ADGRF5: variants seen among roughly 807,000 people sequenced by gnomAD.
The protein encoded by ADGRF5 is adhesion G protein-coupled receptor F5, also known as G-protein coupled receptor 116.
Under a neutral mutation model 132.3 loss-of-function variants are expected in ADGRF5, and 75 were observed. The ratio of observed to expected loss-of-function variants is 0.57; its 90% CI spans 0.47 to 0.69. The LOEUF (loss-of-function observed/expected upper bound fraction) is 0.69. Ranked by LOEUF, ADGRF5 falls within the 30% of genes least tolerant of loss-of-function variation. The probability of loss-of-function intolerance (pLI) is 0.00; values close to 1 mark genes in which losing one functional copy is unlikely to be tolerated. For missense variants in ADGRF5, 1,516 were observed against 1,630.6 expected (o/e 0.93, Z 1.21); for synonymous variants, 629 against 597.6 (o/e 1.05, Z -0.77).
intron 19 of ADGRF5, 40 bp downstream of exon 19, chr6:46,856,678 A>G: frequency 9.2e-7 from 1 of 1,082,184 alleles, no homozygotes; most frequent in South Asian, 1.3e-5. Context: ...GGAATACATG[A>G]TGTTATAAAA....
At chr6:46,917,599 TC>T (rs1776537483) in intron 1 of ADGRF5, among the ~76,000 whole-genome samples, 1 of 152,174 alleles carries the variant, frequency 6.6e-6, no homozygotes, top group Non-Finnish European at 1.5e-5. Flanking sequence ...CTGAGTATGG[TC>T]CCTGGCACAT....
chr6:46,900,063 T>G lies in ADGRF5; in HGVS notation c.123A>C (p.Pro41=). The G allele has an allele frequency of 1.2e-6, 2 of 1,612,912 alleles. No homozygotes were observed. The highest frequency in any genetic ancestry group is 1.7e-6 in the Non-Finnish European group (2 of 1,178,854). ...IHPLSLHEHE[P]AGEEALRQKR... is the part of the protein sequence containing the mutation. Reference sequence around the variant, plus strand: ...TTTGCCTCAGTGCCTCTTCACCAGCTGGTTCATGTTCATGAAGACTCTGAA... The same window carrying G: ...TTTGCCTCAGTGCCTCTTCACCAGCGGGTTCATGTTCATGAAGACTCTGAA... The change falls in exon 3 of 21, where the codon CCA becomes CCC. Residue 41 remains proline (P), a synonymous_variant. Transcript: ENST00000283296.
At chr6:46,905,443 C>A (rs1254109527) in intron 2 of ADGRF5, 1 of 151,744 alleles carries the variant, frequency 6.6e-6, no homozygotes, top group Non-Finnish European at 1.5e-5. Context: ...GAAACAAAAT[C>A]CTGAAGGTAA....
intron 4 of ADGRF5, among the ~76,000 whole-genome samples, chr6:46,885,628 C>T (rs1190953612): frequency 6.6e-6 from 1 of 152,162 alleles, no homozygotes; most frequent in Non-Finnish European, 1.5e-5. Flanking sequence ...AAAGAAGGGT[C>T]AACCTTGGCA....
At chr6:46,872,469 T>G (rs1771188229) in intron 10 of ADGRF5, among the ~76,000 whole-genome samples, 1 of 152,126 alleles carries the variant, frequency 6.6e-6, no homozygotes, top group Non-Finnish European at 1.5e-5. Context: ...GAAGAACAGA[T>G]GTCAGATTAT....
At chr6:46,920,225 A>G (rs974458525) in intron 1 of ADGRF5, among the ~76,000 whole-genome samples, 2 of 152,192 alleles carry the variant, frequency 1.3e-5, no homozygotes, top group African/African-American at 2.4e-5. Flanking sequence ...GCAAATCTAG[A>G]ATTTAATCCT....
intron 1 of ADGRF5, among the ~76,000 whole-genome samples, chr6:46,941,175 C>T (rs1474636952): frequency 1.3e-5 from 2 of 151,894 alleles, no homozygotes; most frequent in Admixed American, 6.6e-5. Context: ...TCTCTACAAA[C>T]AATAAAAAGC....
chr6:46,867,185 T>G (rs1770553006), intron 12 of ADGRF5, 48 bp from the exon 13 acceptor site: 1 of 1,083,336 alleles, frequency 9.2e-7, no homozygotes. Context: ...TAATCGCCCT[T>G]CAAAAGCATC....
intron 1 of ADGRF5, among the ~76,000 whole-genome samples, chr6:46,953,463 A>C (rs1778573372): frequency 6.6e-6 from 1 of 151,646 alleles, no homozygotes; most frequent in Non-Finnish European, 1.5e-5. Flanking sequence ...CTCTACTAAA[A>C]ATACAAAACA....
chr6:46,875,870 T>C (rs1368940745), intron 10 of ADGRF5, among the ~76,000 whole-genome samples: 1 of 152,234 alleles, frequency 6.6e-6, no homozygotes, highest in Non-Finnish European at 1.5e-5. Context: ...TGTGATTGCG[T>C]TGATACCCTT....
chr6:46,900,117 C>T (rs371020966), intron 2 of ADGRF5, 34 bp from the exon 3 acceptor site: 73 of 1,535,556 alleles, frequency 4.8e-5, no homozygotes, highest in Middle Eastern at 1.7e-4. Context: ...TGTCAATTAA[C>T]GTTAGAGAAG....
intron 1 of ADGRF5, among the ~76,000 whole-genome samples, chr6:46,910,493 C>T (rs1046021585): frequency 1.3e-5 from 2 of 152,152 alleles, no homozygotes; most frequent in African/African-American, 4.8e-5. Flanking sequence ...GCAAGGGTTA[C>T]GCCCTCTAAC....
At chr6:46,898,712 C>A (rs1209816293) in intron 3 of ADGRF5, among the ~76,000 whole-genome samples, 1 of 152,184 alleles carries the variant, frequency 6.6e-6, no homozygotes, top group Non-Finnish European at 1.5e-5. Context: ...ACAGATGCCT[C>A]CACTCTGATC....
intron 1 of ADGRF5, among the ~76,000 whole-genome samples, chr6:46,910,115 G>A (rs73736684): frequency 0.069 from 10,571 of 152,160 alleles, 845 homozygotes; most frequent in African/African-American, 0.19. Flanking sequence ...CAGAAAACTA[G>A]GCCTAGAAAG....
chr6:46,937,897 T>A (rs1442945924), intron 1 of ADGRF5, among the ~76,000 whole-genome samples: 1 of 152,212 alleles, frequency 6.6e-6, no homozygotes, highest in Non-Finnish European at 1.5e-5. Flanking sequence ...TGAGATTTCA[T>A]CATGCTGCTC....
intron 1 of ADGRF5, among the ~76,000 whole-genome samples, chr6:46,927,804 A>T (rs1357639222): frequency 6.6e-6 from 1 of 152,124 alleles, no homozygotes; most frequent in East Asian, 1.9e-4. Context: ...CAGCATCATA[A>T]TAGGCGATAA....
At position 46,853,980 on chromosome 6, in the gene ADGRF5, A is replaced by T; in HGVS notation, c.*12T>A. 1 of 1,586,426 alleles carries T rather than the reference A, an allele frequency of 6.3e-7. No homozygotes were observed. The highest frequency in any genetic ancestry group is 8.6e-7 in the Non-Finnish European group (1 of 1,162,566). On this transcript the variant is annotated 3_prime_UTR_variant, in exon 21 of 21. Transcript: ENST00000283296. ...GTCCCCGGGAGGTCACGTAGGTTGGATTATCCTGTTCTTAGTTGAGCAACG... is the reference window on the plus strand; with the variant it reads ...GTCCCCGGGAGGTCACGTAGGTTGGTTTATCCTGTTCTTAGTTGAGCAACG...
At position 46,859,161 on chromosome 6, in the gene ADGRF5, C is replaced by T. The variant is rs1281676003; in HGVS notation, c.2742G>A (p.Gln914=). The change falls in exon 17 of 21, where the codon CAG becomes CAA. Residue 914 remains glutamine (Q), a synonymous_variant. Coordinates refer to ENST00000283296, the MANE Select transcript of ADGRF5 (RefSeq NM_001098518.2). ...CTAAGCTCTCTGCAAAGTTATTTTC[C>T]TGGATATCCTGGGCAAGGATGGCTT... ...TLQAILAQDI[Q]ENNFAESLVM... 1.2e-6 allele frequency: 2 copies of T among 1,614,078 alleles called. No homozygotes were observed. The highest frequency in any genetic ancestry group is 1.7e-5 in the Admixed American group (1 of 60,010).
At chr6:46,925,928 A>G (rs1261224070), upstream of ADGRF5, among the ~76,000 whole-genome samples, 1 of 151,828 alleles carries the variant, frequency 6.6e-6, no homozygotes, top group Admixed American at 6.6e-5. Context: ...ATTTTCTTTT[A>G]TTTTTTAAGC....
Sources: gnomAD v4.1 joint callset for allele counts (sites outside exome capture counted in the v4.1 genomes callset) on GRCh38, gnomAD v4.1.1 for gene constraint, MANE v1.5 for transcripts, NCBI Gene and HGNC (gene_info 2026-07-23, HGNC 2026-07-21) for gene names.